UBA6: variants seen among roughly 807,000 people sequenced by gnomAD.
The protein encoded by UBA6 is ubiquitin like modifier activating enzyme 6, also known as ubiquitin-like modifier-activating enzyme 6.
In UBA6, 87 loss-of-function variants were observed where a neutral mutation model predicts 148.3. That is an observed-to-expected ratio of 0.59 (90% CI 0.49 to 0.70). The LOEUF is 0.70. Among genes scored for constraint, UBA6 ranks in the 30% least tolerant of loss-of-function variants. The pLI, the probability that UBA6 is intolerant of heterozygous loss-of-function variation, is 0.00. For synonymous variants in UBA6, 376 were observed against 401.0 expected, an observed-to-expected ratio of 0.94 and a Z score of 0.75; for missense variants, 1,186 against 1,241.2, an observed-to-expected ratio of 0.96 and a Z score of 0.67.
chr4:67,679,967 A>G (rs540661633), intron 4 of UBA6, among the ~76,000 whole-genome samples: 1 of 152,280 alleles, frequency 6.6e-6, no homozygotes, highest in East Asian at 1.9e-4. Context: ...AAATAACTAT[A>G]ATAGATCAAA....
intron 18 of UBA6, among the ~76,000 whole-genome samples, chr4:67,639,875 C>A (rs1037095715): frequency 6.6e-6 from 1 of 152,186 alleles, no homozygotes; most frequent in Non-Finnish European, 1.5e-5. Flanking sequence ...TTGTACCACA[C>A]TGTACTCACC....
chr4:67,678,184 T>C (rs566524356), intron 5 of UBA6, among the ~76,000 whole-genome samples: 4 of 132,996 alleles, frequency 3.0e-5, no homozygotes, highest in Admixed American at 7.4e-5. Flanking sequence ...TATATATCAA[T>C]ATTTATTTAG....
At chr4:67,653,251 C>T (rs529345471) in intron 13 of UBA6, among the ~76,000 whole-genome samples, 1 of 152,328 alleles carries the variant, frequency 6.6e-6, no homozygotes, top group African/African-American at 2.4e-5. Context: ...CCCATGTAGA[C>T]TGACTGGGAA....
Position 67,633,260 on chromosome 4 carries a change from C to A in UBA6, c.2142+85G>T, listed in dbSNP as rs1729042934. On this transcript the variant is annotated intron_variant, in intron 23 of 32. Transcript: ENST00000322244. ...AAAGCTTGCCAAAAGAAAGAATACA[C>A]ATTTCAGGTCAATGAAATTAATTTG... 1.2e-5 allele frequency: 14 copies of A among 1,191,446 alleles called. No individual in the cohort carries two copies. The South Asian group carries it at 2.2e-4, about 19-fold the overall frequency. The allele number at this position is 1,191,446 out of a possible 1,614,324, so 73.8% of individuals were successfully genotyped here. A position where few individuals can be genotyped will look rare whatever the true frequency, so the allele number is the denominator to read the frequency against.
chr4:67,626,251 G>A (rs2109896510), intron 28 of UBA6, 109 bp downstream of exon 28: 1 of 694,660 alleles, frequency 1.4e-6, no homozygotes, highest in South Asian at 1.6e-5. Flanking sequence ...AATCAATATT[G>A]TCATCATTAT....
chr4:67,694,933 A>G (rs542261748), intron 2 of UBA6, among the ~76,000 whole-genome samples: 11 of 152,220 alleles, frequency 7.2e-5, no homozygotes, highest in Admixed American at 5.2e-4. Context: ...TCCGTCAAAC[A>G]AAAGAAAATG....
At chr4:67,679,963 C>T (rs1279223845) in intron 4 of UBA6, among the ~76,000 whole-genome samples, 1 of 152,074 alleles carries the variant, frequency 6.6e-6, no homozygotes, top group Non-Finnish European at 1.5e-5. Context: ...ATGAAAATAA[C>T]TATAATAGAT....
At chr4:67,636,383 G>A (rs576380634) in intron 19 of UBA6, among the ~76,000 whole-genome samples, 59 of 150,570 alleles carry the variant, frequency 3.9e-4, no homozygotes, top group Non-Finnish European at 7.6e-4. Flanking sequence ...TCCCTCTCCT[G>A]CTCCCGCTCC....
chr4:67,688,400 G>T (rs1484360328), intron 2 of UBA6, among the ~76,000 whole-genome samples: 2 of 152,064 alleles, frequency 1.3e-5, no homozygotes, highest in Non-Finnish European at 2.9e-5. Flanking sequence ...ATAGGCTCAA[G>T]TCTAATTCAC....
intron 16 of UBA6, 93 bp downstream of exon 16, chr4:67,645,845 C>T: frequency 1.6e-6 from 1 of 643,928 alleles, no homozygotes; most frequent in Non-Finnish European, 2.6e-6. Context: ...CTCACCTGTA[C>T]TCTACACACT....
intron 14 of UBA6, among the ~76,000 whole-genome samples, chr4:67,648,329 G>A (rs1486738046): frequency 6.6e-6 from 1 of 151,392 alleles, no homozygotes; most frequent in African/African-American, 2.4e-5. Context: ...TTAGCCAAGT[G>A]TGGTGGTCTG....
intron 19 of UBA6, 89 bp downstream of exon 19, chr4:67,638,854 A>G (rs1729233474): frequency 1.0e-6 from 1 of 959,002 alleles, no homozygotes; most frequent in African/African-American, 1.6e-5. Flanking sequence ...GAATAATCAG[A>G]TAATTCCGTA....
intron 27 of UBA6, among the ~76,000 whole-genome samples, chr4:67,628,346 T>C (rs1159280840): frequency 6.6e-6 from 1 of 151,918 alleles, no homozygotes; most frequent in African/African-American, 2.4e-5. Flanking sequence ...CTTCCCCTTG[T>C]ATATTCTCTT....
At chr4:67,620,954 T>A (rs1560475181) in intron 32 of UBA6, among the ~76,000 whole-genome samples, 1 of 152,328 alleles carries the variant, frequency 6.6e-6, no homozygotes, top group East Asian at 1.9e-4. Flanking sequence ...CTTAATGTGT[T>A]CAGTACTTAA....
chr4:67,661,945 C>A, intron 13 of UBA6: 1 of 445,588 alleles, frequency 2.2e-6, no homozygotes, highest in Non-Finnish European at 3.9e-6. Flanking sequence ...ATATTAATTA[C>A]TATATGTCAC....
At chr4:67,630,589 A>T in intron 25 of UBA6, 54 bp from the exon 26 acceptor site, 2 of 1,112,722 alleles carry the variant, frequency 1.8e-6, no homozygotes, top group Non-Finnish European at 2.6e-6. Context: ...TAAAGACGAT[A>T]TTTAACTCAT....
intron 14 of UBA6, among the ~76,000 whole-genome samples, chr4:67,647,769 C>T (rs1452454522): frequency 6.7e-6 from 1 of 149,730 alleles, no homozygotes; most frequent in Non-Finnish European, 1.5e-5. Context: ...TATTATTTCT[C>T]ATGGTGTTTT....
In UBA6 at chr4:67,691,296, T is replaced by C. The variant is rs546299889; in HGVS notation, c.134+5349A>G. ...AAAAAGTTAAAATTTATCAAAACTATGCGTACACTTACAGACCATAGATGT... is the reference window on the plus strand; with the variant it reads ...AAAAAGTTAAAATTTATCAAAACTACGCGTACACTTACAGACCATAGATGT... On this transcript the variant is annotated intron_variant, in intron 2 of 32. Transcript: ENST00000322244. 2.0e-5 allele frequency among the ~76,000 whole-genome samples: 3 copies of C among 150,748 alleles called. No individual in the cohort carries two copies. In the South Asian group the frequency reaches 6.3e-4, roughly 32 times the overall value.
At chr4:67,652,053 A>G (rs535743325) in intron 13 of UBA6, among the ~76,000 whole-genome samples, 1 of 152,280 alleles carries the variant, frequency 6.6e-6, no homozygotes, top group African/African-American at 2.4e-5. Flanking sequence ...ATAAAATTAC[A>G]AAAATATGAA....
Sources: allele counts gnomAD v4.1 joint callset (sites outside exome capture counted in the v4.1 genomes callset), GRCh38; gene constraint gnomAD v4.1.1; transcripts MANE v1.5; gene names NCBI Gene and HGNC (gene_info 2026-07-23, HGNC 2026-07-21).